SCEL: variants seen among roughly 807,000 people sequenced by gnomAD.
SCEL encodes sciellin.
Under a neutral mutation model 117.6 loss-of-function variants are expected in SCEL, and 113 were observed. The ratio of observed to expected loss-of-function variants is 0.96; its 90% CI spans 0.83 to 1.12. The LOEUF (loss-of-function observed/expected upper bound fraction) is 1.12, where lower values mean the gene tolerates loss of function less well. Among genes scored for constraint, SCEL ranks in the 50% most tolerant of loss-of-function variants. SCEL has a pLI of 0.00. For missense variants in SCEL, 785 were observed against 810.8 expected, an observed-to-expected ratio of 0.97 and a Z score of 0.39; for synonymous variants, 270 against 256.2, an observed-to-expected ratio of 1.05 and a Z score of -0.51.
intron 9 of SCEL, among the ~76,000 whole-genome samples, chr13:77,587,825 C>T (rs2086648548): frequency 6.6e-6 from 1 of 152,116 alleles, no homozygotes; most frequent in Non-Finnish European, 1.5e-5. Context: ...CAACCCCTGG[C>T]CCTCTTTTTG....
chr13:77,638,892 A>G (rs115189330), intron 30 of SCEL, among the ~76,000 whole-genome samples: 1,829 of 152,052 alleles, frequency 0.012, 30 homozygotes, highest in African/African-American at 0.042. Context: ...CACCCCACCA[A>G]GCCCACCTTG....
chr13:77,621,327 C>T (rs960975788), intron 27 of SCEL, among the ~76,000 whole-genome samples: 3 of 152,248 alleles, frequency 2.0e-5, no homozygotes, highest in South Asian at 4.2e-4. Context: ...CGTCTATTAT[C>T]GTTCTCCACC....
intron 13 of SCEL, among the ~76,000 whole-genome samples, chr13:77,598,408 AATG>A (rs1417872473): frequency 1.3e-5 from 2 of 152,184 alleles, no homozygotes; most frequent in Non-Finnish European, 2.9e-5. Flanking sequence ...TTCTGGCAAT[AATG>A]ATCACTTAAT....
At chr13:77,559,577 C>G (rs2084857555) in intron 3 of SCEL, among the ~76,000 whole-genome samples, 1 of 152,172 alleles carries the variant, frequency 6.6e-6, no homozygotes, top group East Asian at 1.9e-4. Flanking sequence ...CATGTGGAAA[C>G]CTCATGGGAT....
intron 5 of SCEL, among the ~76,000 whole-genome samples, chr13:77,564,508 C>G (rs981145883): frequency 6.6e-6 from 1 of 152,094 alleles, no homozygotes; most frequent in Non-Finnish European, 1.5e-5. Flanking sequence ...AACTTCTATT[C>G]AGGTTGAAGT....
At chr13:77,643,685 T>C (rs2090667419) in intron 32 of SCEL, among the ~76,000 whole-genome samples, 1 of 152,146 alleles carries the variant, frequency 6.6e-6, no homozygotes, top group Non-Finnish European at 1.5e-5. Flanking sequence ...AATGAGCTAC[T>C]GGGAGACTAC....
At chr13:77,605,146 G>A (rs2088051326) in intron 19 of SCEL, among the ~76,000 whole-genome samples, 1 of 152,196 alleles carries the variant, frequency 6.6e-6, no homozygotes, top group African/African-American at 2.4e-5. Context: ...GCTGGAAACA[G>A]TAACAAACAA....
At chr13:77,596,727 G>A (rs1239752635) in intron 12 of SCEL, among the ~76,000 whole-genome samples, 8 of 148,196 alleles carry the variant, frequency 5.4e-5, no homozygotes, top group African/African-American at 9.8e-5. Context: ...GTGTGTGGTC[G>A]GGGGTAGGTC....
chr13:77,604,685 TTTCTTTGTA>T (rs2087992934), intron 19 of SCEL, among the ~76,000 whole-genome samples: 1 of 152,226 alleles, frequency 6.6e-6, no homozygotes, highest in South Asian at 2.1e-4. Flanking sequence ...AAATGATTTA[TTTCTTTGTA>T]TGCTAGTGTG....
chr13:77,642,907 T>C, intron 32 of SCEL, 99 bp downstream of exon 32: 3 of 562,878 alleles, frequency 5.3e-6, no homozygotes, highest in Non-Finnish European at 9.1e-6. Context: ...AACATTTTAC[T>C]AGTTATATTT....
chr13:77,565,054 G>A (rs2154396876), intron 5 of SCEL, among the ~76,000 whole-genome samples: 1 of 152,288 alleles, frequency 6.6e-6, no homozygotes, highest in East Asian at 1.9e-4. Flanking sequence ...CTATTTCTAG[G>A]AATGAATTTT....
At chr13:77,635,120 G>C (rs895286296) in intron 29 of SCEL, among the ~76,000 whole-genome samples, 3 of 152,198 alleles carry the variant, frequency 2.0e-5, no homozygotes, top group African/African-American at 7.2e-5. Flanking sequence ...GGAAGCTTCT[G>C]TGTGGATGGC....
Position 77,548,910 on chromosome 13 carries a change from G to T in SCEL, c.-19-6947G>T, listed in dbSNP as rs567827802. Among the ~76,000 whole-genome samples the T allele has an allele frequency of 3.3e-5, 5 of 152,216 alleles. No homozygotes were observed. In the South Asian group the frequency reaches 1.0e-3, roughly 32 times the overall value. On this transcript the variant is annotated intron_variant, in intron 1 of 32. Coordinates refer to ENST00000349847, the MANE Select transcript of SCEL (RefSeq NM_144777.3). ...TCTTGGGTATGTCTTTATGAGCAGG[G>T]TGTATAGTTCCATTGTGCATATATA... is the stretch of plus-strand genomic sequence containing the variant.
rs760010905 is a variant in SCEL at position 77,644,259 on chromosome 13, A to G, written c.2052A>G (p.Ala684=). The change falls in exon 33 of 33, where the codon GCA becomes GCG. Residue 684 remains alanine (A), a splice_region_variant and synonymous_variant. Transcript: ENST00000349847. ...CGTCTTTTTTCTTTTAATTTGCAGC[A>G]AAGTGGATTCCATAACTCTGGCACA... ...HCEPCYSKIM[A]KWIP 6.2e-7 allele frequency: 1 copy of G among 1,613,240 alleles called. No individual in the cohort carries two copies. The highest frequency in any genetic ancestry group is 1.1e-5 in the South Asian group (1 of 90,984).
At chr13:77,607,463 T>C (rs1043159162) in intron 19 of SCEL, among the ~76,000 whole-genome samples, 12 of 152,234 alleles carry the variant, frequency 7.9e-5, no homozygotes, top group Non-Finnish European at 1.6e-4. Context: ...CTATTGTTTG[T>C]TGCCAAAAAC....
chr13:77,622,177 AT>A lies in SCEL; in HGVS notation c.1628+4123del, dbSNP rs531749249. On this transcript the variant is annotated intron_variant, in intron 27 of 32. Coordinates refer to ENST00000349847, the MANE Select transcript of SCEL (RefSeq NM_144777.3). ...TGGCGTAAAAGGAATACCATAGTAA[AT>A]TTTTTATATGAAGACTCTTAATTTT... is the stretch of plus-strand genomic sequence containing the variant. Among the ~76,000 whole-genome samples the A allele has an allele frequency of 3.9e-4, 60 of 152,274 alleles. 1 individual carries two copies. Among genetic ancestry groups the A allele is most frequent in the African/African-American group, 1.3e-3 (53 of 41,546 alleles).
intron 29 of SCEL, 124 bp downstream of exon 29, chr13:77,634,574 T>C (rs2090183577): frequency 1.6e-6 from 1 of 607,420 alleles, no homozygotes; most frequent in Non-Finnish European, 2.9e-6. Flanking sequence ...TATAAGTACA[T>C]TGAGTTCTAT....
In SCEL at chr13:77,618,068, A is replaced by C. The variant is rs749084426; in HGVS notation, c.1628+8A>C. On this transcript the variant is annotated splice_region_variant and intron_variant, in intron 27 of 32. Coordinates refer to ENST00000349847, the MANE Select transcript of SCEL (RefSeq NM_144777.3). The stretch of plus-strand genomic sequence containing the variant: ...TCTTAGAAACACTAATCGGTAAATG[A>C]CCTTGACTATCTTGACATGTTTACA... 1.2e-6 allele frequency: 2 copies of C among 1,603,514 alleles called. No individual in the cohort carries two copies. The highest frequency in any genetic ancestry group is 1.7e-6 in the Non-Finnish European group (2 of 1,170,420).
intron 9 of SCEL, among the ~76,000 whole-genome samples, chr13:77,586,001 A>AT: frequency 6.6e-6 from 1 of 152,096 alleles, no homozygotes; most frequent in East Asian, 1.9e-4. Context: ...CCTGCTGTTA[A>AT]TTTTAACTCC....
Sources: gnomAD v4.1 joint callset for allele counts (sites outside exome capture counted in the v4.1 genomes callset) on GRCh38, gnomAD v4.1.1 for gene constraint, MANE v1.5 for transcripts, NCBI Gene and HGNC (gene_info 2026-07-23, HGNC 2026-07-21) for gene names.